AUTS2: variants seen among roughly 807,000 people sequenced by gnomAD.
AUTS2 encodes activator of transcription and developmental regulator AUTS2.
AUTS2 carries 17 observed loss-of-function variants against 112.4 expected under a neutral mutation model. The observed-to-expected ratio is 0.15, with a 90% CI of 0.10 to 0.23. The LOEUF is 0.23. Ranked by LOEUF, AUTS2 falls within the 10% of genes least tolerant of loss-of-function variation. AUTS2 has a pLI of 1.00. For synonymous variants in AUTS2, 751 were observed against 702.7 expected (o/e 1.07, Z -1.09); for missense variants, 1,510 against 1,701.6 (o/e 0.89, Z 1.98).
At chr7:70,152,576 A>G (rs1030355976) in intron 4 of AUTS2, among the ~76,000 whole-genome samples, 17 of 152,150 alleles carry the variant, frequency 1.1e-4, no homozygotes, top group African/African-American at 3.9e-4. Flanking sequence ...TCCACAGGCT[A>G]GGAGAACAGT....
chr7:69,936,275 G>A (rs925945045), intron 2 of AUTS2, among the ~76,000 whole-genome samples: 1 of 152,180 alleles, frequency 6.6e-6, no homozygotes, highest in African/African-American at 2.4e-5. Context: ...GACCTGGCCT[G>A]TATTGGTCAG....
At chr7:70,224,373 A>G (rs538299726) in intron 4 of AUTS2, among the ~76,000 whole-genome samples, 22 of 151,672 alleles carry the variant, frequency 1.5e-4, no homozygotes, top group African/African-American at 3.6e-4. Flanking sequence ...ACAATACAAT[A>G]CAATACAATA....
chr7:70,030,983 C>CT (rs1326445467), intron 2 of AUTS2, among the ~76,000 whole-genome samples: 6 of 152,054 alleles, frequency 3.9e-5, no homozygotes, highest in African/African-American at 1.4e-4. Context: ...TGGTGTAAAA[C>CT]TATCTTTTAG....
intron 4 of AUTS2, among the ~76,000 whole-genome samples, chr7:70,422,878 T>G (rs1279646231): frequency 6.6e-6 from 1 of 152,210 alleles, no homozygotes; most frequent in Non-Finnish European, 1.5e-5. Context: ...GTCTCTCTCT[T>G]GATCTCTTCA....
intron 3 of AUTS2, among the ~76,000 whole-genome samples, chr7:70,133,314 G>A (rs1442385025): frequency 6.6e-6 from 1 of 152,146 alleles, no homozygotes; most frequent in Non-Finnish European, 1.5e-5. Context: ...TTTTATAGAT[G>A]TCAAATTCTC....
At chr7:70,603,329 G>C (rs1183148593) in intron 5 of AUTS2, among the ~76,000 whole-genome samples, 1 of 152,184 alleles carries the variant, frequency 6.6e-6, no homozygotes, top group East Asian at 1.9e-4. Context: ...ACTCCTCCCA[G>C]TGTCAGTGTG....
At chr7:70,666,466 G>C (rs1218112647) in intron 5 of AUTS2, among the ~76,000 whole-genome samples, 1 of 152,086 alleles carries the variant, frequency 6.6e-6, no homozygotes, top group African/African-American at 2.4e-5. Context: ...TTGTTTCCAC[G>C]ACTGGAAGAA....
intron 7 of AUTS2, among the ~76,000 whole-genome samples, chr7:70,763,755 G>A (rs76243227): frequency 0.018 from 2,794 of 152,120 alleles, 99 homozygotes; most frequent in African/African-American, 0.062. Flanking sequence ...AAGAAAACTC[G>A]TCTCCCTGCA....
intron 4 of AUTS2, among the ~76,000 whole-genome samples, chr7:70,327,823 CT>C (rs1301527425): frequency 6.6e-6 from 1 of 152,112 alleles, no homozygotes; most frequent in East Asian, 1.9e-4. Context: ...TTATCATTTT[CT>C]TTGTATTTCT....
intron 4 of AUTS2, among the ~76,000 whole-genome samples, chr7:70,309,339 T>C (rs1478141544): frequency 6.6e-6 from 1 of 152,212 alleles, no homozygotes; most frequent in Non-Finnish European, 1.5e-5. Flanking sequence ...AGGGAGAGCC[T>C]AAAATCATAA....
chr7:70,466,910 G>A (rs1797187481), intron 5 of AUTS2, among the ~76,000 whole-genome samples: 1 of 152,216 alleles, frequency 6.6e-6, no homozygotes, highest in Non-Finnish European at 1.5e-5. Flanking sequence ...GCAGTGAGGA[G>A]AGACTGTTAC....
chr7:70,338,975 G>A (rs1791128459), intron 4 of AUTS2, among the ~76,000 whole-genome samples: 1 of 151,568 alleles, frequency 6.6e-6, no homozygotes, highest in African/African-American at 2.4e-5. Flanking sequence ...CCATTCTCCT[G>A]CCTCAGCCTC....
At chr7:70,778,632 G>A (rs1239197748) in intron 14 of AUTS2, among the ~76,000 whole-genome samples, 1 of 151,640 alleles carries the variant, frequency 6.6e-6, no homozygotes, top group East Asian at 1.9e-4. Flanking sequence ...GCAAACCTCA[G>A]TAAATGAGGT....
intron 4 of AUTS2, among the ~76,000 whole-genome samples, chr7:70,172,792 A>G (rs1411886028): frequency 6.6e-6 from 1 of 152,232 alleles, no homozygotes; most frequent in African/African-American, 2.4e-5. Context: ...CAATATAATG[A>G]TTATGAAACA....
chr7:69,924,092 C>T (rs1795916350), intron 2 of AUTS2, among the ~76,000 whole-genome samples: 1 of 151,982 alleles, frequency 6.6e-6, no homozygotes, highest in African/African-American at 2.4e-5. Flanking sequence ...TTCATAGTGC[C>T]CTTTATTAGG....
intron 5 of AUTS2, among the ~76,000 whole-genome samples, chr7:70,451,284 TGGGATCATTAGAAGCCCAA>T (rs1796518437): frequency 6.6e-6 from 1 of 152,078 alleles, no homozygotes; most frequent in Non-Finnish European, 1.5e-5. Context: ...ACCTGGGTAA[TGGGATCATTAGAAGCCCAA>T]ACCTCAGTAT....
chr7:70,403,873 G>T (rs1261901875), intron 4 of AUTS2, among the ~76,000 whole-genome samples: 1 of 152,206 alleles, frequency 6.6e-6, no homozygotes, highest in Non-Finnish European at 1.5e-5. Flanking sequence ...TTTGGAAGGA[G>T]ATCAAAGATG....
chr7:70,708,869 C>A (rs1809884805), intron 6 of AUTS2, among the ~76,000 whole-genome samples: 1 of 151,696 alleles, frequency 6.6e-6, no homozygotes, highest in African/African-American at 2.4e-5. Context: ...CCTATCAATA[C>A]AGTCCACTTT....
chr7:70,145,619 A>C (rs1245712064), intron 4 of AUTS2, among the ~76,000 whole-genome samples: 1 of 152,142 alleles, frequency 6.6e-6, no homozygotes, highest in Non-Finnish European at 1.5e-5. Context: ...TAGTAGGTCT[A>C]TGTTATACAC....
Sources: allele counts gnomAD v4.1 joint callset (sites outside exome capture counted in the v4.1 genomes callset), GRCh38; gene constraint gnomAD v4.1.1; transcripts MANE v1.5; gene names NCBI Gene and HGNC (gene_info 2026-07-23, HGNC 2026-07-21).